Variants in RBFOX3 observed in about 807,000 individuals in gnomAD.
RBFOX3 encodes the protein RNA binding protein fox-1 homolog 3.
RBFOX3 carries 17 observed loss-of-function variants against 48.7 expected under a neutral mutation model. That is an observed-to-expected ratio of 0.35 (90% CI 0.24 to 0.52). The LOEUF (loss-of-function observed/expected upper bound fraction) is 0.52. Ranked by LOEUF, RBFOX3 falls within the 20% of genes least tolerant of loss-of-function variation. The pLI, the probability that RBFOX3 is intolerant of heterozygous loss-of-function variation, is 0.94. For missense variants in RBFOX3, 382 were observed against 497.5 expected (o/e 0.77, Z 2.21); for synonymous variants, 212 against 209.5 (o/e 1.01, Z -0.10).
intron 1 of RBFOX3, among the ~76,000 whole-genome samples, chr17:79,553,403 T>A (rs1173734014): frequency 1.3e-5 from 2 of 152,254 alleles, no homozygotes; most frequent in African/African-American, 2.4e-5. Flanking sequence ...TGCATTGATA[T>A]TTATAAGTGA....
At chr17:79,446,084 A>G (rs1555738134) in intron 2 of RBFOX3, among the ~76,000 whole-genome samples, 1 of 152,208 alleles carries the variant, frequency 6.6e-6, no homozygotes, top group Non-Finnish European at 1.5e-5. Context: ...GCTGAGGTTT[A>G]GAAACCCTGC....
chr17:79,094,437 C>G lies in RBFOX3; in HGVS notation c.1077+14G>C. On this transcript the variant is annotated intron_variant, in intron 14 of 14. Transcript: ENST00000693108. ...GGACTGGCACCCAGGGCTGGGCGGG[C>G]CTGGGCTCCTTACCATGGTTCCAAT... 1 of 1,496,196 alleles carries G rather than the reference C, an allele frequency of 6.7e-7. No homozygotes were observed. The highest frequency in any genetic ancestry group is 1.3e-5 in the South Asian group (1 of 78,768). The allele number at this position is 1,496,196 out of a possible 1,614,324, so 92.7% of individuals were successfully genotyped here.
At chr17:79,519,692 G>A (rs1020723285) in intron 1 of RBFOX3, among the ~76,000 whole-genome samples, 4 of 152,152 alleles carry the variant, frequency 2.6e-5, no homozygotes, top group East Asian at 1.9e-4. Context: ...TGTTTACCTC[G>A]GGCCCCACCA....
chr17:79,377,989 A>G lies in RBFOX3; in HGVS notation c.-174-70165T>C, dbSNP rs1162231986. 2.0e-5 allele frequency among the ~76,000 whole-genome samples: 3 copies of G among 152,324 alleles called. No homozygotes were observed. In the East Asian group the frequency reaches 5.8e-4, roughly 29 times the overall value. On this transcript the variant is annotated intron_variant, in intron 2 of 14. Transcript: ENST00000693108. Reference sequence around the variant, plus strand: ...TTTAGGTTAGGGAAAGTGTCTTAATATAGGATAGGAATATATTCATTTTTA... The same window carrying G: ...TTTAGGTTAGGGAAAGTGTCTTAATGTAGGATAGGAATATATTCATTTTTA...
At chr17:79,651,900 A>C in the RBFOX3 span, among the ~76,000 whole-genome samples, 1 of 97,366 alleles carries the variant, frequency 1.0e-5, no homozygotes, top group South Asian at 4.3e-4. Flanking sequence ...GCCACCTGCC[A>C]TGTCAAGCAG....
At chr17:79,165,394 C>G (rs1384104412) in intron 4 of RBFOX3, among the ~76,000 whole-genome samples, 2 of 152,176 alleles carry the variant, frequency 1.3e-5, no homozygotes, top group African/African-American at 4.8e-5. Flanking sequence ...TCCTTTGGTT[C>G]TCATTTTAGA....
At chr17:79,177,603 C>A (rs1280028337) in intron 4 of RBFOX3, among the ~76,000 whole-genome samples, 1 of 152,178 alleles carries the variant, frequency 6.6e-6, no homozygotes, top group African/African-American at 2.4e-5. Context: ...ACCCATGCTG[C>A]CCACCAAGCC....
At chr17:79,554,351 CT>C (rs2091423496) in intron 1 of RBFOX3, among the ~76,000 whole-genome samples, 3 of 151,490 alleles carry the variant, frequency 2.0e-5, no homozygotes, top group Admixed American at 6.6e-5. Context: ...ACAGTCACCC[CT>C]CACCTGGCCC....
intron 2 of RBFOX3, among the ~76,000 whole-genome samples, chr17:79,349,708 A>G (rs1257294478): frequency 1.3e-5 from 2 of 151,912 alleles, no homozygotes; most frequent in Non-Finnish European, 2.9e-5. Context: ...GGCTCAGCCC[A>G]GCCCTGGAAT....
the RBFOX3 span, among the ~76,000 whole-genome samples, chr17:79,620,307 G>A: frequency 2.1e-5 from 3 of 143,398 alleles, no homozygotes; most frequent in Admixed American, 7.0e-5. Flanking sequence ...ACACGCACAT[G>A]CACAAATATG....
chr17:79,099,144 GCA>G (rs888226418), intron 9 of RBFOX3: 2 of 152,440 alleles, frequency 1.3e-5, no homozygotes, highest in Admixed American at 1.3e-4. Flanking sequence ...GGGTAGGGGG[GCA>G]CAGTTTCTTG....
intron 2 of RBFOX3, among the ~76,000 whole-genome samples, chr17:79,434,896 A>G (rs1355739182): frequency 6.6e-6 from 1 of 152,244 alleles, no homozygotes; most frequent in Non-Finnish European, 1.5e-5. Context: ...ATGGGGTGAC[A>G]GTGCTCAAAG....
rs1213239429 is a variant in RBFOX3 at position 79,555,375 on chromosome 17, A to T, written c.-320+55451T>A. On this transcript the variant is annotated intron_variant, in intron 1 of 14. Coordinates refer to ENST00000693108, the MANE Select transcript of RBFOX3 (RefSeq NM_001350451.2). ...TGGTGGTGATGGTGGTGATGATGGT[A>T]GTTGTGGTGGTGGTGATGGTGGTGA... 2.3e-3 allele frequency among the ~76,000 whole-genome samples: 3 copies of T among 1,310 alleles called. No individual in the cohort carries two copies. In the East Asian group the frequency reaches 0.11, roughly 47 times the overall value. The allele number at this position is 1,310 out of a possible 152,430, so 0.9% of individuals were successfully genotyped here.
At chr17:79,118,992 A>AAAG (rs1414417707) in intron 4 of RBFOX3, among the ~76,000 whole-genome samples, 13,824 of 142,292 alleles carry the variant, frequency 0.097, 788 homozygotes, top group South Asian at 0.19. Flanking sequence ...AAAAAAAAAA[A>AAAG]ATAAAGAAAA....
chr17:79,223,424 G>A (rs944889103), intron 4 of RBFOX3, among the ~76,000 whole-genome samples: 1 of 152,114 alleles, frequency 6.6e-6, no homozygotes, highest in Non-Finnish European at 1.5e-5. Context: ...ACCTCTGCAC[G>A]CAGAACCTTC....
At chr17:79,662,245 C>A in the RBFOX3 span, among the ~76,000 whole-genome samples, 1 of 150,558 alleles carries the variant, frequency 6.6e-6, no homozygotes, top group African/African-American at 2.5e-5. Flanking sequence ...GCCTCAGCCT[C>A]CTGAGTAGCT....
chr17:79,395,533 G>A (rs1428367481), intron 2 of RBFOX3, among the ~76,000 whole-genome samples: 1 of 152,238 alleles, frequency 6.6e-6, no homozygotes, highest in Non-Finnish European at 1.5e-5. Flanking sequence ...CAAGCCAAGA[G>A]CTCTGGGCTG....
At chr17:79,138,338 C>A (rs1246149360) in intron 4 of RBFOX3, among the ~76,000 whole-genome samples, 1 of 152,110 alleles carries the variant, frequency 6.6e-6, no homozygotes, top group Admixed American at 6.5e-5. Context: ...CTCGTGTGTA[C>A]CATGTCACAC....
At chr17:79,457,494 T>C (rs2074708873) in intron 2 of RBFOX3, among the ~76,000 whole-genome samples, 1 of 152,198 alleles carries the variant, frequency 6.6e-6, no homozygotes, top group Non-Finnish European at 1.5e-5. Context: ...CTAACGCGCC[T>C]TCATGTCCTG....
Sources: gnomAD v4.1 joint callset for allele counts (sites outside exome capture counted in the v4.1 genomes callset) on GRCh38, gnomAD v4.1.1 for gene constraint, MANE v1.5 for transcripts, NCBI Gene and HGNC (gene_info 2026-07-23, HGNC 2026-07-21) for gene names.